The following GALNT9 variants were observed in gnomAD, a reference collection of about 807,000 sequenced individuals.
GALNT9 encodes polypeptide N-acetylgalactosaminyltransferase 9, also known as GalNAc transferase 9.
A neutral mutation model predicts 63.1 loss-of-function variants in GALNT9; 47 were observed. The observed-to-expected ratio is 0.75, with a 90% CI of 0.59 to 0.95. The LOEUF (loss-of-function observed/expected upper bound fraction) is 0.95. Ranked by LOEUF, GALNT9 falls within the 40% of genes least tolerant of loss-of-function variation. GALNT9 has a pLI of 0.00. For missense variants in GALNT9, 829 were observed against 874.8 expected (o/e 0.95, Z 0.66); for synonymous variants, 396 against 365.7 (o/e 1.08, Z -0.94).
chr12:132,282,908 G>C lies in GALNT9; in HGVS notation c.419+3342C>G, dbSNP rs922085252. On this transcript the variant is annotated intron_variant, in intron 2 of 10. Transcript: ENST00000328957. This position sits in a 1 kb window ranked among gnomAD's most constrained non-coding sequence, Gnocchi z 4.5. ...GACCGTCTGTGACACGCAGGCCCAC[G>C]TCTGTGCTAGAAAAGCCACCCCTTG... 2 of 152,300 alleles carry C rather than the reference G, an allele frequency of 1.3e-5. No homozygotes were observed. Among genetic ancestry groups the C allele is most frequent in the Non-Finnish European group, 2.9e-5 (2 of 68,164 alleles). 9.4% of individuals were successfully genotyped at this position (152,300 alleles called of 1,614,324 possible).
intron 4 of GALNT9, among the ~76,000 whole-genome samples, chr12:132,260,303 G>T (rs28550409): frequency 1.3e-5 from 2 of 151,642 alleles, no homozygotes; most frequent in Non-Finnish European, 2.9e-5. Context: ...CCTTGGAGTC[G>T]GGCCCTGCCC....
chr12:132,214,643 C>A (rs1449337321), intron 6 of GALNT9, among the ~76,000 whole-genome samples: 1 of 152,268 alleles, frequency 6.6e-6, no homozygotes. Flanking sequence ...TTGCCCATTC[C>A]TGGCCACATC....
intron 1 of GALNT9, among the ~76,000 whole-genome samples, chr12:132,290,957 C>T (rs1174125487): frequency 7.2e-4 from 39 of 54,538 alleles, no homozygotes; most frequent in African/African-American, 3.1e-3. Flanking sequence ...ACATCCACAG[C>T]GCCCACATCC....
chr12:132,229,884 T>C (rs990502943), intron 6 of GALNT9, among the ~76,000 whole-genome samples: 1 of 152,190 alleles, frequency 6.6e-6, no homozygotes. Context: ...AAGGTCACCG[T>C]CCGTCGGTGG....
At chr12:132,298,056 T>C (rs1881139524) in intron 1 of GALNT9, among the ~76,000 whole-genome samples, 1 of 151,502 alleles carries the variant, frequency 6.6e-6, no homozygotes, top group East Asian at 2.0e-4. Context: ...TTCACTCCCA[T>C]GATAACCAAC....
rs1593126009 is a variant in GALNT9, at chr12:132,321,549, C to T, written c.238+7417G>A. 2.0e-5 allele frequency among the ~76,000 whole-genome samples: 3 copies of T among 152,190 alleles called. No individual in the cohort carries two copies. The South Asian group carries it at 6.2e-4, about 31-fold the overall frequency. On this transcript the variant is annotated intron_variant, in intron 1 of 10. Coordinates refer to ENST00000328957, the MANE Select transcript of GALNT9 (RefSeq NM_001122636.2). ...GGCCAACAGGCTGTCCTGGCAGCCC[C>T]CTGCCCTAGCACCTCACCATCTCCC...
At chr12:132,197,400 G>C (rs1284279255) in intron 10 of GALNT9, 147 bp from the exon 11 acceptor site, 11 of 1,210,832 alleles carry the variant, frequency 9.1e-6, no homozygotes, top group Non-Finnish European at 1.2e-5. Context: ...GCAGCACCCA[G>C]GGGGGCCGGG....
rs1445202374 is a variant in GALNT9, at chr12:132,238,773, C to T, written c.1077+9137G>A. ...TTCCTCCGCCCCCTCATCTGCAGGC[C>T]ACCCGCCCAGGGACGTGCTACCATT... On this transcript the variant is annotated intron_variant, in intron 6 of 10. Coordinates refer to ENST00000328957, the MANE Select transcript of GALNT9 (RefSeq NM_001122636.2). This position sits in a 1 kb window ranked among gnomAD's most constrained non-coding sequence, Gnocchi z 6.5. Among the ~76,000 whole-genome samples, 1 of 152,204 alleles carries T rather than the reference C, an allele frequency of 6.6e-6. No individual in the cohort carries two copies. The highest frequency in any genetic ancestry group is 2.4e-5 in the African/African-American group (1 of 41,446).
At chr12:132,264,904 A>G (rs931621854) in intron 2 of GALNT9, among the ~76,000 whole-genome samples, 2 of 152,192 alleles carry the variant, frequency 1.3e-5, no homozygotes, top group South Asian at 4.1e-4. Context: ...AGGCGCCCAC[A>G]GGCGAGACCG....
In GALNT9 at chr12:132,246,237, A is replaced by T. The variant is rs1422761717; in HGVS notation, c.1077+1673T>A. Among the ~76,000 whole-genome samples, 1 of 152,260 alleles carries T rather than the reference A, an allele frequency of 6.6e-6. No individual in the cohort carries two copies. The highest frequency in any genetic ancestry group is 1.5e-5 in the Non-Finnish European group (1 of 68,054). On this transcript the variant is annotated intron_variant, in intron 6 of 10. Coordinates refer to ENST00000328957, the MANE Select transcript of GALNT9 (RefSeq NM_001122636.2). The surrounding 1 kb of genome is among the most constrained non-coding windows in gnomAD (Gnocchi z 4.7). ...CAGATTAACTTCCAGCTTCCATTTT[A>T]AAAATGTGTAATTGAGGATTGATTC...
rs1189601786 is a variant in GALNT9, at chr12:132,286,534, G to A, written c.239-104C>T. 1.4e-6 allele frequency: 2 copies of A among 1,437,524 alleles called. No homozygotes were observed. The highest frequency in any genetic ancestry group is 2.9e-5 in the African/African-American group (2 of 69,882). The allele number at this position is 1,437,524 out of a possible 1,614,324, so 89.0% of individuals were successfully genotyped here. On this transcript the variant is annotated intron_variant, in intron 1 of 10. Transcript: ENST00000328957. The surrounding 1 kb of genome is among the most constrained non-coding windows in gnomAD (Gnocchi z 7.4). ...CTCTCCCCGACGGCCGCTTCCCCCG[G>A]TACAAGCCCAGCAAACTCCCTGCAG...
intron 6 of GALNT9, among the ~76,000 whole-genome samples, chr12:132,227,757 G>C (rs1274128488): frequency 6.6e-6 from 1 of 152,124 alleles, no homozygotes; most frequent in Non-Finnish European, 1.5e-5. Context: ...GGAAACGGAG[G>C]CTCAGGGTAC....
In GALNT9 at chr12:132,196,520, C is replaced by G. The variant is rs1875517838; in HGVS notation, c.*587G>C. On this transcript the variant is annotated 3_prime_UTR_variant, in exon 11 of 11. Transcript: ENST00000328957. ...ACACACACAGTGCTGCTGCCTAATC[C>G]TCTCTTTATTTGGTCTCTGCTGAAG... is the stretch of plus-strand genomic sequence containing the variant. The G allele has an allele frequency of 1.1e-6, 1 of 902,938 alleles. No homozygotes were observed. The allele number at this position is 902,938 out of a possible 1,614,324, so 55.9% of individuals were successfully genotyped here.
chr12:132,313,816 ACC>A, intron 1 of GALNT9, among the ~76,000 whole-genome samples: 1 of 50,066 alleles, frequency 2.0e-5, no homozygotes, highest in Non-Finnish European at 3.6e-5. Flanking sequence ...CCACCCATCC[ACC>A]CACCCAGCCA....
intron 1 of GALNT9, among the ~76,000 whole-genome samples, chr12:132,324,048 G>A (rs1555246322): frequency 6.6e-6 from 1 of 152,252 alleles, no homozygotes; most frequent in South Asian, 2.1e-4. Flanking sequence ...TGAACCAGCA[G>A]GAGCCATTTG....
At position 132,308,465 on chromosome 12, in the gene GALNT9, G is replaced by A. The variant is rs545751534; in HGVS notation, c.238+20501C>T. Among the ~76,000 whole-genome samples the A allele has an allele frequency of 1.6e-3, 238 of 152,288 alleles. 1 individual carries two copies. The highest frequency in any genetic ancestry group is 5.3e-3 in the African/African-American group (222 of 41,552). On this transcript the variant is annotated intron_variant, in intron 1 of 10. Transcript: ENST00000328957. ...GCCGCCCATTCTGTTTGCTGGTCTC[G>A]TTCCAGCAGCCCCCAGGTGGTGCCT...
intron 6 of GALNT9, among the ~76,000 whole-genome samples, chr12:132,210,276 G>A (rs1037469079): frequency 1.2e-4 from 19 of 152,242 alleles, no homozygotes; most frequent in African/African-American, 4.6e-4. Context: ...CAGGACTGAC[G>A]TTGTCTTTGG....
At chr12:132,308,777 T>C (rs1322162431) in intron 1 of GALNT9, among the ~76,000 whole-genome samples, 1 of 152,210 alleles carries the variant, frequency 6.6e-6, no homozygotes, top group Non-Finnish European at 1.5e-5. Flanking sequence ...CCTACCAGGC[T>C]GAGACTCCTG....
chr12:132,315,383 A>G lies in GALNT9; in HGVS notation c.238+13583T>C, dbSNP rs1868454886. On this transcript the variant is annotated intron_variant, in intron 1 of 10. Coordinates refer to ENST00000328957, the MANE Select transcript of GALNT9 (RefSeq NM_001122636.2). This position sits in a 1 kb window ranked among gnomAD's most constrained non-coding sequence, Gnocchi z 6.1. Reference sequence around the variant, plus strand: ...GGGCGGCCTCCCCCGTGTCCACTGCAAAGTGCTCGAGCCTCAGAATATTAA... The same window carrying G: ...GGGCGGCCTCCCCCGTGTCCACTGCGAAGTGCTCGAGCCTCAGAATATTAA... Among the ~76,000 whole-genome samples the G allele has an allele frequency of 6.6e-6, 1 of 151,842 alleles. No individual in the cohort carries two copies. Among genetic ancestry groups the G allele is most frequent in the African/African-American group, 2.4e-5 (1 of 41,294 alleles).
Sources: allele counts gnomAD v4.1 joint callset (sites outside exome capture counted in the v4.1 genomes callset), GRCh38; gene constraint gnomAD v4.1.1; non-coding constraint Gnocchi (gnomAD v3.1); transcripts MANE v1.5; gene names NCBI Gene and HGNC (gene_info 2026-07-23, HGNC 2026-07-21).